Variants in UPF2 observed in about 807,000 individuals in gnomAD.
The protein encoded by UPF2 is UPF2 regulator of nonsense mediated mRNA decay, also known as regulator of nonsense transcripts 2.
UPF2 carries 17 observed loss-of-function variants against 141.4 expected under a neutral mutation model. The ratio of observed to expected loss-of-function variants is 0.12; its 90% CI spans 0.08 to 0.18. The LOEUF (loss-of-function observed/expected upper bound fraction) is 0.18, where lower values mean the gene tolerates loss of function less well. Ranked by LOEUF, UPF2 falls within the 10% of genes least tolerant of loss-of-function variation. The pLI is 1.00. For synonymous variants in UPF2, 540 were observed against 498.0 expected (o/e 1.08, Z -1.12); for missense variants, 1,152 against 1,515.9 (o/e 0.76, Z 3.99).
chr10:11,938,853 GTTTTTTTTTTT>G (rs58106776), intron 18 of UPF2, among the ~76,000 whole-genome samples: 49 of 79,822 alleles, frequency 6.1e-4, no homozygotes, highest in East Asian at 5.0e-3. Flanking sequence ...TTTTTTTTTT[GTTTTTTTTTTT>G]TTTTTTTTTT....
At chr10:12,021,071 T>G (rs961236956) in intron 3 of UPF2, among the ~76,000 whole-genome samples, 1 of 152,176 alleles carries the variant, frequency 6.6e-6, no homozygotes, top group Non-Finnish European at 1.5e-5. Context: ...AATGTAAATA[T>G]GGGTGGATAT....
chr10:11,957,665 C>T (rs919639049), intron 12 of UPF2, among the ~76,000 whole-genome samples: 4 of 151,822 alleles, frequency 2.6e-5, no homozygotes, highest in African/African-American at 7.3e-5. Flanking sequence ...TACAGGCATG[C>T]GCCAACACAC....
chr10:11,993,211 A>C (rs997414836), intron 8 of UPF2, among the ~76,000 whole-genome samples: 4 of 151,854 alleles, frequency 2.6e-5, no homozygotes, highest in Non-Finnish European at 5.9e-5. Flanking sequence ...ATGAGTTGGA[A>C]TTCAGGCCAA....
chr10:11,923,218 T>G (rs1832668493), intron 21 of UPF2: 1 of 152,120 alleles, frequency 6.6e-6, no homozygotes, highest in African/African-American at 2.4e-5. Flanking sequence ...AAAATTGTAG[T>G]GATACAGAGA....
chr10:11,959,900 T>G lies in UPF2; in HGVS notation c.2185-544A>C, dbSNP rs2131195037. On this transcript the variant is annotated intron_variant, in intron 11 of 21. Coordinates refer to ENST00000357604, the MANE Select transcript of UPF2 (RefSeq NM_015542.4). The surrounding 1 kb of genome is among the most constrained non-coding windows in gnomAD (Gnocchi z 5.9). Reference sequence around the variant, plus strand: ...CATACTAGCCCGTGCCTACTTAGCCTTACGTTTCATCCAATAAAATACTAG... The same window carrying G: ...CATACTAGCCCGTGCCTACTTAGCCGTACGTTTCATCCAATAAAATACTAG... Among the ~76,000 whole-genome samples the G allele has an allele frequency of 6.6e-6, 1 of 152,328 alleles. No individual in the cohort carries two copies. The highest frequency in any genetic ancestry group is 2.1e-4 in the South Asian group (1 of 4,828).
In UPF2 at chr10:11,920,437, TCAACAAA is replaced by T. The variant is rs1328548102; in HGVS notation, c.*854_*860del. ...GACAGAGGCTGTAAACCCATGAAGG[TCAACAAA>T]ATATTCTCATCCACTTCTTGTTGTC... On this transcript the variant is annotated 3_prime_UTR_variant, in exon 22 of 22. Transcript: ENST00000357604. 6.6e-6 allele frequency: 1 copy of T among 152,488 alleles called. No individual in the cohort carries two copies. Among genetic ancestry groups the T allele is most frequent in the East Asian group, 1.9e-4 (1 of 5,200 alleles). 9.4% of individuals were successfully genotyped at this position (152,488 alleles called of 1,614,324 possible).
intron 8 of UPF2, among the ~76,000 whole-genome samples, chr10:11,991,105 T>A (rs752162854): frequency 1.1e-4 from 17 of 152,052 alleles, no homozygotes; most frequent in Non-Finnish European, 2.5e-4. Flanking sequence ...TCAATTTTTT[T>A]AAATTAAAAA....
chr10:12,035,139 CT>C lies in UPF2; in HGVS notation c.284del (p.Lys95ArgfsTer27), dbSNP rs1564374891. The C allele has an allele frequency of 6.2e-7, 1 of 1,600,214 alleles. No individual in the cohort carries two copies. The stretch of plus-strand genomic sequence containing the variant: ...TCTTTCTCTCTTCCTCTTGATGTTT[CT>C]TTTTTTCTTCCTCTTCTTTTTTCTT... ...ESKKKEEEEK[K>X]KHQEEERKKQ... On this transcript the variant is annotated frameshift_variant, in exon 2 of 22. Transcript: ENST00000357604. LOFTEE classifies it high-confidence loss of function.
chr10:11,938,853 G>GTTTGTTTTTT, intron 18 of UPF2, among the ~76,000 whole-genome samples: 1 of 79,832 alleles, frequency 1.3e-5, no homozygotes, highest in East Asian at 3.6e-4. Flanking sequence ...TTTTTTTTTT[G>GTTTGTTTTTT]TTTTTTTTTT....
chr10:12,020,141 T>C lies in UPF2; in HGVS notation c.1146-5957A>G, dbSNP rs769421076. ...TTCATTAATGCCTAAAAAATTCTAA[T>C]ATTAAGAGAACTTTTTTCTTCTTTT... On this transcript the variant is annotated intron_variant, in intron 3 of 21. Transcript: ENST00000357604. Among the ~76,000 whole-genome samples, 6 of 152,296 alleles carry C rather than the reference T, an allele frequency of 3.9e-5. No individual in the cohort carries two copies. In the East Asian group the frequency reaches 5.8e-4, roughly 15 times the overall value.
intron 8 of UPF2, among the ~76,000 whole-genome samples, chr10:11,991,556 T>A (rs929361878): frequency 3.3e-5 from 5 of 152,066 alleles, no homozygotes; most frequent in African/African-American, 1.2e-4. Flanking sequence ...GGAAAGTTAT[T>A]GGATTTACTT....
At chr10:11,982,006 A>T (rs925094478) in intron 8 of UPF2, among the ~76,000 whole-genome samples, 1 of 150,030 alleles carries the variant, frequency 6.7e-6, no homozygotes, top group African/African-American at 2.5e-5. Flanking sequence ...GCTTATAAAC[A>T]TGTAATAATT....
intron 3 of UPF2, among the ~76,000 whole-genome samples, chr10:12,024,145 G>C (rs1834367459): frequency 6.6e-6 from 1 of 152,098 alleles, no homozygotes; most frequent in African/African-American, 2.4e-5. Flanking sequence ...TTAGTCCTAT[G>C]ATGTAGAAAA....
At position 11,920,742 on chromosome 10, in the gene UPF2, T is replaced by G. The variant is rs1832631204; in HGVS notation, c.*556A>C. 3.9e-6 allele frequency: 1 copy of G among 254,520 alleles called. No homozygotes were observed. Among genetic ancestry groups the G allele is most frequent in the Non-Finnish European group, 7.8e-6 (1 of 127,726 alleles). 15.8% of individuals were successfully genotyped at this position (254,520 alleles called of 1,614,324 possible). ...AAACAAAAGCCTTCCTGGTGGATTA[T>G]CTGGTATTTGGATATCTTTCATCAT... On this transcript the variant is annotated 3_prime_UTR_variant, in exon 22 of 22. Coordinates refer to ENST00000357604, the MANE Select transcript of UPF2 (RefSeq NM_015542.4).
chr10:12,005,561 A>C (rs539212776), intron 4 of UPF2, among the ~76,000 whole-genome samples: 16 of 152,200 alleles, frequency 1.1e-4, no homozygotes, highest in Non-Finnish European at 1.8e-4. Flanking sequence ...TAATAAATTT[A>C]GAGGGTCCTG....
At chr10:11,987,761 CAAAAAAAAAAAAAAA>C (rs572687103) in intron 8 of UPF2, among the ~76,000 whole-genome samples, 7,152 of 54,710 alleles carry the variant, frequency 0.13, 352 homozygotes, top group Admixed American at 0.21. Flanking sequence ...GACTCTGCCT[CAAAAAAAAAAAAAAA>C]AAAAAAAAAA....
chr10:11,946,161 A>G (rs1364768072), intron 16 of UPF2, among the ~76,000 whole-genome samples: 1 of 152,212 alleles, frequency 6.6e-6, no homozygotes, highest in Non-Finnish European at 1.5e-5. Flanking sequence ...ACCATACATT[A>G]TTGCCTATAC....
At chr10:11,943,323 G>C (rs1315010725) in intron 16 of UPF2, among the ~76,000 whole-genome samples, 155 bp from the exon 17 acceptor site, 1 of 152,314 alleles carries the variant, frequency 6.6e-6, no homozygotes, top group Middle Eastern at 3.4e-3. Flanking sequence ...GGCAAAGTCA[G>C]CTAGCAACGT....
chr10:11,933,254 G>A (rs2131155373), intron 19 of UPF2, among the ~76,000 whole-genome samples: 1 of 152,070 alleles, frequency 6.6e-6, no homozygotes, highest in East Asian at 1.9e-4. Flanking sequence ...GCACCAGAAG[G>A]GCCAACACCC....
Sources: gnomAD v4.1 joint callset for allele counts (sites outside exome capture counted in the v4.1 genomes callset) on GRCh38, gnomAD v4.1.1 for gene constraint, Gnocchi (gnomAD v3.1) non-coding constraint, MANE v1.5 for transcripts, NCBI Gene and HGNC (gene_info 2026-07-23, HGNC 2026-07-21) for gene names.